LRRC4C: variants seen among roughly 807,000 people sequenced by gnomAD.
LRRC4C encodes the protein leucine-rich repeat-containing protein 4C.
A neutral mutation model predicts 33.6 loss-of-function variants in LRRC4C; 5 were observed. The ratio of observed to expected loss-of-function variants is 0.15; its 90% CI spans 0.08 to 0.31. The LOEUF (loss-of-function observed/expected upper bound fraction) is 0.31. LRRC4C is among the 10% of genes least tolerant of loss of function. The probability of loss-of-function intolerance (pLI) is 1.00; values close to 1 mark genes in which losing one functional copy is unlikely to be tolerated. For missense variants in LRRC4C, 560 were observed against 796.7 expected (o/e 0.70, Z 3.58); for synonymous variants, 329 against 302.0 (o/e 1.09, Z -0.93).
intron 3 of LRRC4C, among the ~76,000 whole-genome samples, chr11:40,339,849 A>G (rs72893191): frequency 0.04 from 6,044 of 152,250 alleles, 208 homozygotes; most frequent in African/African-American, 0.096. Context: ...GAGCAATAGT[A>G]AAGAGTAACT....
chr11:40,960,301 T>C (rs1357504562), intron 1 of LRRC4C, among the ~76,000 whole-genome samples: 9 of 151,812 alleles, frequency 5.9e-5, no homozygotes, highest in Non-Finnish European at 1.0e-4. Context: ...ATCACCAAGA[T>C]AAAACAGAAA....
At chr11:40,264,000 C>T (rs1370454381) in intron 4 of LRRC4C, among the ~76,000 whole-genome samples, 1 of 152,138 alleles carries the variant, frequency 6.6e-6, no homozygotes, top group Non-Finnish European at 1.5e-5. Flanking sequence ...GTCTAAGGCA[C>T]CGGATTGAGA....
At chr11:40,135,142 A>G (rs1856882696) in intron 6 of LRRC4C, among the ~76,000 whole-genome samples, 1 of 152,212 alleles carries the variant, frequency 6.6e-6, no homozygotes. Context: ...CTTGGTGATG[A>G]CATGTCAGAT....
At chr11:40,305,334 T>C (rs771093423) in intron 4 of LRRC4C, among the ~76,000 whole-genome samples, 57 of 152,348 alleles carry the variant, frequency 3.7e-4, no homozygotes, top group Non-Finnish European at 3.4e-4. Flanking sequence ...GTGTTGTCCA[T>C]GAGAGTACAG....
chr11:40,947,555 T>G (rs1958461193), intron 1 of LRRC4C, among the ~76,000 whole-genome samples: 1 of 152,092 alleles, frequency 6.6e-6, no homozygotes, highest in Non-Finnish European at 1.5e-5. Context: ...AAAGAGTGAG[T>G]GTAGGGCACT....
At chr11:40,787,389 G>A (rs1439802713) in intron 2 of LRRC4C, among the ~76,000 whole-genome samples, 1 of 152,010 alleles carries the variant, frequency 6.6e-6, no homozygotes, top group African/African-American at 2.4e-5. Context: ...CCTTTCCTTT[G>A]TGCTTGCTGA....
rs973076954 is a variant in LRRC4C at position 41,459,421 on chromosome 11, C to T, written c.-496+10G>A. ...ACAAGAACTGAGATCTGAGGAGTCCCGTGACTTACCTTCTTTATGGATCCT... is the reference window on the plus strand; with the variant it reads ...ACAAGAACTGAGATCTGAGGAGTCCTGTGACTTACCTTCTTTATGGATCCT... On this transcript the variant is annotated intron_variant, in intron 1 of 6. Transcript: ENST00000528697. 1.3e-5 allele frequency: 2 copies of T among 152,042 alleles called. No homozygotes were observed. The highest frequency in any genetic ancestry group is 2.4e-5 in the African/African-American group (1 of 41,390). 9.4% of individuals were successfully genotyped at this position (152,042 alleles called of 1,614,324 possible). A position where few individuals can be genotyped will look rare whatever the true frequency, so the allele number is the denominator to read the frequency against.
chr11:41,107,098 T>C (rs1201868273), intron 1 of LRRC4C, among the ~76,000 whole-genome samples: 3 of 150,578 alleles, frequency 2.0e-5, no homozygotes, highest in African/African-American at 4.9e-5. Flanking sequence ...GTGTGCATGA[T>C]ACTTACCAGT....
chr11:40,600,616 G>T (rs1959891319), intron 3 of LRRC4C, among the ~76,000 whole-genome samples: 1 of 152,262 alleles, frequency 6.6e-6, no homozygotes, highest in Middle Eastern at 3.4e-3. Flanking sequence ...AAATCTAAAA[G>T]AAGCTATGGA....
chr11:40,966,513 A>G (rs146485261), intron 1 of LRRC4C, among the ~76,000 whole-genome samples: 54 of 152,044 alleles, frequency 3.6e-4, no homozygotes, highest in African/African-American at 1.3e-3. Context: ...ATTGCACTTA[A>G]TATCACAATG....
intron 1 of LRRC4C, among the ~76,000 whole-genome samples, chr11:41,276,337 T>C (rs1019291770): frequency 3.9e-5 from 6 of 152,126 alleles, no homozygotes; most frequent in Non-Finnish European, 7.4e-5. Context: ...GTGTTTTAGC[T>C]CCTTGAACAT....
At chr11:41,213,217 C>CATG (rs1411359478) in intron 1 of LRRC4C, among the ~76,000 whole-genome samples, 23 of 152,078 alleles carry the variant, frequency 1.5e-4, no homozygotes, top group Non-Finnish European at 8.8e-5. Flanking sequence ...ATGTTATAAA[C>CATG]TAAACAGTAT....
intron 1 of LRRC4C, among the ~76,000 whole-genome samples, chr11:41,000,933 A>T (rs1854327663): frequency 6.6e-6 from 1 of 152,174 alleles, no homozygotes; most frequent in African/African-American, 2.4e-5. Flanking sequence ...GGGAAAATTA[A>T]CATTTATTGA....
At chr11:41,042,877 G>A (rs1857523404) in intron 1 of LRRC4C, among the ~76,000 whole-genome samples, 1 of 151,892 alleles carries the variant, frequency 6.6e-6, no homozygotes, top group Non-Finnish European at 1.5e-5. Flanking sequence ...CCTACCACAT[G>A]GAAAGACATT....
chr11:40,744,694 T>C (rs1948330417), intron 2 of LRRC4C, among the ~76,000 whole-genome samples: 1 of 152,112 alleles, frequency 6.6e-6, no homozygotes, highest in African/African-American at 2.4e-5. Flanking sequence ...CCCATCTTAC[T>C]ATGAGGAAAC....
chr11:41,169,806 T>G (rs1944890980), intron 1 of LRRC4C, among the ~76,000 whole-genome samples: 1 of 152,168 alleles, frequency 6.6e-6, no homozygotes, highest in Admixed American at 6.6e-5. Flanking sequence ...CTGCATACTT[T>G]CAATTCCCCC....
chr11:40,738,426 C>G (rs1161302521), intron 2 of LRRC4C, among the ~76,000 whole-genome samples: 3 of 152,104 alleles, frequency 2.0e-5, no homozygotes, highest in Admixed American at 2.0e-4. Flanking sequence ...TGTACTATCT[C>G]TCTTCTATTT....
At chr11:41,030,593 A>G (rs1413760592) in intron 1 of LRRC4C, among the ~76,000 whole-genome samples, 2 of 151,866 alleles carry the variant, frequency 1.3e-5, no homozygotes, top group African/African-American at 4.8e-5. Context: ...ACACCAACAA[A>G]GCAGTAAGAA....
chr11:40,779,739 G>A (rs1950143354), intron 2 of LRRC4C, among the ~76,000 whole-genome samples: 1 of 152,114 alleles, frequency 6.6e-6, no homozygotes, highest in Non-Finnish European at 1.5e-5. Context: ...AGACATGCTG[G>A]TCTCTAGTAG....
Sources: gnomAD v4.1 joint callset for allele counts (sites outside exome capture counted in the v4.1 genomes callset) on GRCh38, gnomAD v4.1.1 for gene constraint, MANE v1.5 for transcripts, NCBI Gene and HGNC (gene_info 2026-07-23, HGNC 2026-07-21) for gene names.